Variants in ETV6 observed in about 807,000 individuals in gnomAD.
ETV6 encodes the protein transcription factor ETV6.
A neutral mutation model predicts 51.1 loss-of-function variants in ETV6; 16 were observed. The ratio of observed to expected loss-of-function variants is 0.31; its 90% CI spans 0.21 to 0.48. The LOEUF is 0.48. ETV6 is among the 20% of genes least tolerant of loss of function. The pLI, the probability that ETV6 is intolerant of heterozygous loss-of-function variation, is 0.99. For missense variants in ETV6, 458 were observed against 594.8 expected (o/e 0.77, Z 2.39); for synonymous variants, 240 against 224.1 (o/e 1.07, Z -0.64).
At chr12:11,768,816 A>G (rs1945200088) in intron 2 of ETV6, 1 of 422,472 alleles carries the variant, frequency 2.4e-6, no homozygotes, top group Admixed American at 2.6e-5. Context: ...CACACCTTGC[A>G]TATTAGGACA....
intron 2 of ETV6, among the ~76,000 whole-genome samples, chr12:11,790,274 T>C (rs1482592895): frequency 2.0e-5 from 3 of 152,254 alleles, no homozygotes; most frequent in Non-Finnish European, 4.4e-5. Flanking sequence ...TTTGTCTGGT[T>C]TTGGTCTTTG....
chr12:11,738,235 T>C (rs1181307861), intron 1 of ETV6, among the ~76,000 whole-genome samples: 1 of 68,602 alleles, frequency 1.5e-5, no homozygotes, highest in Non-Finnish European at 4.0e-5. Context: ...CCTCCCTCCC[T>C]CCTTCCCTCC....
intron 2 of ETV6, among the ~76,000 whole-genome samples, chr12:11,757,749 C>A (rs940537485): frequency 6.6e-6 from 1 of 152,180 alleles, no homozygotes; most frequent in Non-Finnish European, 1.5e-5. Flanking sequence ...GAAGTCTGGG[C>A]AGCCACAGGT....
chr12:11,834,493 A>C (rs77029915), intron 2 of ETV6, among the ~76,000 whole-genome samples: 1 of 152,216 alleles, frequency 6.6e-6, no homozygotes, highest in Non-Finnish European at 1.5e-5. Flanking sequence ...CCTGTTTTCT[A>C]TTAAACTGAA....
At position 11,892,370 on chromosome 12, in the gene ETV6, A is replaced by AT. The variant is rs1425837656; in HGVS notation, c.*1330dup. ...AGACAGGAAATTCCTCGGATACATT[A>AT]TTTTTTCTTTCTTTCATAGCTGTGT... On this transcript the variant is annotated 3_prime_UTR_variant, in exon 8 of 8. Transcript: ENST00000396373. 26 of 232,160 alleles carry AT rather than the reference A, an allele frequency of 1.1e-4. No individual in the cohort carries two copies. Among genetic ancestry groups the AT allele is most frequent in the Non-Finnish European group, 1.0e-4 (12 of 117,886 alleles). The allele number at this position is 232,160 out of a possible 1,614,324, so 14.4% of individuals were successfully genotyped here. A position where few individuals can be genotyped will look rare whatever the true frequency, so the allele number is the denominator to read the frequency against.
intron 4 of ETV6, among the ~76,000 whole-genome samples, chr12:11,856,528 A>C (rs897480474): frequency 6.6e-6 from 1 of 152,178 alleles, no homozygotes; most frequent in Admixed American, 6.5e-5. Flanking sequence ...CAGGGAGAAG[A>C]GCTTTCCAAG....
intron 3 of ETV6, among the ~76,000 whole-genome samples, chr12:11,849,791 A>G (rs1946520929): frequency 6.6e-6 from 1 of 152,198 alleles, no homozygotes; most frequent in Non-Finnish European, 1.5e-5. Flanking sequence ...CTTAGTGAGC[A>G]AAGTTTGAGT....
intron 2 of ETV6, among the ~76,000 whole-genome samples, chr12:11,769,210 A>G (rs908636204): frequency 4.6e-5 from 7 of 152,164 alleles, no homozygotes; most frequent in African/African-American, 1.7e-4. Context: ...CTCTGTACAC[A>G]TAAGCTTTTA....
At chr12:11,763,129 T>A (rs796095611) in intron 2 of ETV6, among the ~76,000 whole-genome samples, 3 of 152,314 alleles carry the variant, frequency 2.0e-5, no homozygotes, top group African/African-American at 7.2e-5. Context: ...GAAAATGCTT[T>A]CCTTTTTCAT....
chr12:11,664,277 C>T (rs929209221), intron 1 of ETV6, among the ~76,000 whole-genome samples: 1 of 152,174 alleles, frequency 6.6e-6, no homozygotes, highest in Admixed American at 6.5e-5. Context: ...CTCTTATAAT[C>T]CTCTGACTGG....
chr12:11,746,673 CATAGTTGACCCTTGATGG>C (rs1230946240), intron 1 of ETV6, among the ~76,000 whole-genome samples: 2 of 152,058 alleles, frequency 1.3e-5, no homozygotes, highest in Non-Finnish European at 2.9e-5. Flanking sequence ...GGCCTAGCCT[CATAGTTGACCCTTGATGG>C]ATGCTGAAAT....
chr12:11,657,309 G>A (rs535214355), intron 1 of ETV6, among the ~76,000 whole-genome samples: 1 of 152,244 alleles, frequency 6.6e-6, no homozygotes, highest in African/African-American at 2.4e-5. Flanking sequence ...CTAGGTCCAT[G>A]TTCCTCTAAC....
chr12:11,684,738 C>G (rs1864595288), intron 1 of ETV6, among the ~76,000 whole-genome samples: 1 of 152,108 alleles, frequency 6.6e-6, no homozygotes, highest in East Asian at 1.9e-4. Flanking sequence ...CCTAATAAAG[C>G]TAACGGTCAT....
chr12:11,762,453 G>A (rs1332566176), intron 2 of ETV6, among the ~76,000 whole-genome samples: 2 of 152,274 alleles, frequency 1.3e-5, no homozygotes, highest in South Asian at 4.1e-4. Flanking sequence ...GTATCCACTG[G>A]GTTTTAGGCT....
At chr12:11,863,361 A>G (rs546031651) in intron 4 of ETV6, among the ~76,000 whole-genome samples, 58 of 152,312 alleles carry the variant, frequency 3.8e-4, no homozygotes, top group Non-Finnish European at 7.2e-4. Flanking sequence ...GGCAGTGAGA[A>G]GAAGGGATTA....
intron 3 of ETV6, among the ~76,000 whole-genome samples, chr12:11,839,553 A>G (rs1463479842): frequency 6.6e-6 from 1 of 152,234 alleles, no homozygotes; most frequent in Non-Finnish European, 1.5e-5. Flanking sequence ...TCCTACGTAC[A>G]CTGGAACTTA....
intron 1 of ETV6, among the ~76,000 whole-genome samples, chr12:11,727,900 C>G (rs11054431): frequency 6.6e-6 from 1 of 152,018 alleles, no homozygotes; most frequent in Non-Finnish European, 1.5e-5. Flanking sequence ...GCTCACTCCA[C>G]CCTCTACCTC....
Position 11,752,498 on chromosome 12 carries a change from G to T in ETV6, c.82G>T (p.Ala28Ser), listed in dbSNP as rs34966596. The T allele has an allele frequency of 2.5e-6, 4 of 1,613,728 alleles. No individual in the cohort carries two copies. The African/African-American group carries it at 5.3e-5, about 22-fold the overall frequency. ...TCCAGAGAGCCCAGTGCCGAGTTAC[G>T]CTTCCTCGACGCCACTTCATGTTCC... ...TPPESPVPSY[A>S]SSTPLHVPVP... The change falls in exon 2 of 8, where the codon GCT (alanine) becomes TCT (serine). Residue 28 changes from alanine to serine, a missense_variant. By Grantham distance (99) the Ala-to-Ser change is moderately conservative. Transcript: ENST00000396373.
chr12:11,687,534 A>G (rs992361657), intron 1 of ETV6, among the ~76,000 whole-genome samples: 1 of 152,154 alleles, frequency 6.6e-6, no homozygotes, highest in Admixed American at 6.5e-5. Flanking sequence ...CTGGGTGCCA[A>G]TCACTCATGT....
Sources: allele counts gnomAD v4.1 joint callset (sites outside exome capture counted in the v4.1 genomes callset), GRCh38; gene constraint gnomAD v4.1.1; transcripts MANE v1.5; gene names NCBI Gene and HGNC (gene_info 2026-07-23, HGNC 2026-07-21).